The following IPMK variants were observed in gnomAD, a reference collection of about 807,000 sequenced individuals.
The protein encoded by IPMK is inositol polyphosphate multikinase.
In IPMK, 17 loss-of-function variants were observed where a neutral mutation model predicts 45.8. The ratio of observed to expected loss-of-function variants is 0.37; its 90% CI spans 0.25 to 0.56. The LOEUF (loss-of-function observed/expected upper bound fraction) is 0.56, where lower values mean the gene tolerates loss of function less well. Among genes scored for constraint, IPMK ranks in the 20% least tolerant of loss-of-function variants. The pLI, the probability that IPMK is intolerant of heterozygous loss-of-function variation, is 0.79. For synonymous variants in IPMK, 180 were observed against 184.3 expected (o/e 0.98, Z 0.19); for missense variants, 399 against 498.0 (o/e 0.80, Z 1.89).
In IPMK at chr10:58,194,331, G is replaced by A. The variant is rs1416294955; in HGVS notation, c.*1745C>T. 4.0e-5 allele frequency: 6 copies of A among 151,752 alleles called. No homozygotes were observed. The highest frequency in any genetic ancestry group is 1.2e-4 in the African/African-American group (5 of 41,384). The allele number at this position is 151,752 out of a possible 1,614,324, so 9.4% of individuals were successfully genotyped here. A position where few individuals can be genotyped will look rare whatever the true frequency, so the allele number is the denominator to read the frequency against. ...TAAAACTAAAAATTCTGATTATTAT[G>A]ACTTGAAATTCATTCCCGTTAAAAC... On this transcript the variant is annotated 3_prime_UTR_variant, in exon 6 of 6. Transcript: ENST00000373935.
intron 2 of IPMK, among the ~76,000 whole-genome samples, chr10:58,227,912 G>T (rs1295551627): frequency 1.3e-5 from 2 of 152,076 alleles, no homozygotes; most frequent in East Asian, 3.8e-4. Flanking sequence ...AAGTTTACTG[G>T]TGTAAAATGC....
rs373111039 is a variant in IPMK, at chr10:58,239,128, G to A, written c.191-1314C>T. Among the ~76,000 whole-genome samples the A allele has an allele frequency of 7.2e-5, 11 of 152,254 alleles. No individual in the cohort carries two copies. In the East Asian group the frequency reaches 9.7e-4, roughly 13 times the overall value. On this transcript the variant is annotated intron_variant, in intron 1 of 5. Coordinates refer to ENST00000373935, the MANE Select transcript of IPMK (RefSeq NM_152230.5). ...CAGGCCACTGCACTTCAACCTGGGCGACAGAGCGAGAGCCCCTCTCTAAAA... is the reference window on the plus strand; with the variant it reads ...CAGGCCACTGCACTTCAACCTGGGCAACAGAGCGAGAGCCCCTCTCTAAAA...
chr10:58,203,855 G>C (rs1265537084), intron 4 of IPMK, among the ~76,000 whole-genome samples: 1 of 152,138 alleles, frequency 6.6e-6, no homozygotes, highest in Non-Finnish European at 1.5e-5. Flanking sequence ...ATTTAAAAAA[G>C]AGTAAATTTA....
At chr10:58,257,851 A>G (rs1035336303) in intron 1 of IPMK, among the ~76,000 whole-genome samples, 3 of 152,236 alleles carry the variant, frequency 2.0e-5, no homozygotes, top group East Asian at 3.8e-4. Context: ...GAGACATATC[A>G]TAACAATAAA....
intron 2 of IPMK, among the ~76,000 whole-genome samples, chr10:58,229,564 A>G (rs78897282): frequency 7.0e-6 from 1 of 143,602 alleles, no homozygotes; most frequent in Non-Finnish European, 1.6e-5. Context: ...CCACGTCTCA[A>G]AAAAAAAAAA....
At chr10:58,263,000 C>A (rs556901062) in intron 1 of IPMK, among the ~76,000 whole-genome samples, 2 of 152,280 alleles carry the variant, frequency 1.3e-5, no homozygotes, top group East Asian at 3.9e-4. Flanking sequence ...GATGCCAAAT[C>A]TAGGGATGAA....
chr10:58,243,384 CCTCT>C (rs1838726204), intron 1 of IPMK, among the ~76,000 whole-genome samples: 1 of 152,214 alleles, frequency 6.6e-6, no homozygotes, highest in African/African-American at 2.4e-5. Flanking sequence ...TCTCCCTCTC[CCTCT>C]TTCTACGGTC....
At position 58,236,076 on chromosome 10, in the gene IPMK, G is replaced by A. The variant is rs576750989; in HGVS notation, c.276+1653C>T. On this transcript the variant is annotated intron_variant, in intron 2 of 5. Transcript: ENST00000373935. ...CCCAAGTAGCTGGGATTACAGATAC[G>A]TGCCACCCACAGTGGGTTAATTCTT... 9.3e-5 allele frequency among the ~76,000 whole-genome samples: 14 copies of A among 150,830 alleles called. No homozygotes were observed. The South Asian group carries it at 1.7e-3, about 18-fold the overall frequency.
chr10:58,263,432 G>C (rs909021584), intron 1 of IPMK, among the ~76,000 whole-genome samples: 8 of 151,928 alleles, frequency 5.3e-5, no homozygotes, highest in African/African-American at 1.9e-4. Context: ...GCTGAGGCAC[G>C]AGAATCACTT....
intron 1 of IPMK, 82 bp downstream of exon 1, chr10:58,267,340 C>G (rs772345120): frequency 7.1e-5 from 102 of 1,428,246 alleles, no homozygotes; most frequent in Non-Finnish European, 9.9e-5. Context: ...CAGGCAGGCC[C>G]GAGAGCGCTA....
intron 1 of IPMK, among the ~76,000 whole-genome samples, chr10:58,238,820 A>C (rs969282055): frequency 6.6e-6 from 1 of 152,152 alleles, no homozygotes; most frequent in Non-Finnish European, 1.5e-5. Flanking sequence ...GAAAGTCTCA[A>C]GAGATACAGA....
At chr10:58,239,546 A>T (rs942209345) in intron 1 of IPMK, among the ~76,000 whole-genome samples, 5 of 152,180 alleles carry the variant, frequency 3.3e-5, no homozygotes, top group Non-Finnish European at 7.3e-5. Flanking sequence ...TAATCAGCCA[A>T]GCGGTAGACA....
At chr10:58,254,607 C>T (rs955635305) in intron 1 of IPMK, among the ~76,000 whole-genome samples, 1 of 152,202 alleles carries the variant, frequency 6.6e-6, no homozygotes, top group African/African-American at 2.4e-5. Flanking sequence ...GTTGGATTTT[C>T]ACAATCCTTG....
intron 1 of IPMK, among the ~76,000 whole-genome samples, chr10:58,252,134 GT>G (rs1194557304): frequency 6.6e-6 from 1 of 151,846 alleles, no homozygotes; most frequent in Non-Finnish European, 1.5e-5. Flanking sequence ...TTTATTTTTA[GT>G]GTCTCTCTTA....
chr10:58,255,568 T>C (rs1838953047), intron 1 of IPMK, among the ~76,000 whole-genome samples: 1 of 152,226 alleles, frequency 6.6e-6, no homozygotes, highest in Non-Finnish European at 1.5e-5. Flanking sequence ...TTTCTAATTG[T>C]ATTTTTATGA....
rs1204876520 is a variant in IPMK, at chr10:58,195,944, T to C, written c.*132A>G. On this transcript the variant is annotated 3_prime_UTR_variant, in exon 6 of 6. Coordinates refer to ENST00000373935, the MANE Select transcript of IPMK (RefSeq NM_152230.5). ...AAGATTATAAAAAAGTTAACCATTC[T>C]TCCAAAAGTATAAAGACAAATAAAA... 1.2e-6 allele frequency: 1 copy of C among 847,992 alleles called. No homozygotes were observed. Among genetic ancestry groups the C allele is most frequent in the Non-Finnish European group, 1.8e-6 (1 of 547,658 alleles). 52.5% of individuals were successfully genotyped at this position (847,992 alleles called of 1,614,324 possible).
At chr10:58,244,804 G>A (rs900895366) in intron 1 of IPMK, among the ~76,000 whole-genome samples, 11 of 152,066 alleles carry the variant, frequency 7.2e-5, no homozygotes, top group Non-Finnish European at 8.8e-5. Context: ...GATTAAGGGC[G>A]GTGCACGATG....
chr10:58,217,178 T>TTTTTTA (rs1564530957), intron 3 of IPMK, among the ~76,000 whole-genome samples: 1 of 149,764 alleles, frequency 6.7e-6, no homozygotes, highest in Non-Finnish European at 1.5e-5. Flanking sequence ...TTTTTTTTTT[T>TTTTTTA]AGAACACAGG....
chr10:58,224,967 AATCAAAAGAAAAC>A (rs1170750154), intron 3 of IPMK, among the ~76,000 whole-genome samples: 1 of 152,198 alleles, frequency 6.6e-6, no homozygotes, highest in Admixed American at 6.6e-5. Context: ...TTGCTAGTAA[AATCAAAAGAAAAC>A]AATCTGCATG....
Sources: gnomAD v4.1 joint callset for allele counts (sites outside exome capture counted in the v4.1 genomes callset) on GRCh38, gnomAD v4.1.1 for gene constraint, MANE v1.5 for transcripts, NCBI Gene and HGNC (gene_info 2026-07-23, HGNC 2026-07-21) for gene names.